Variants in C6orf52 observed in about 807,000 individuals in gnomAD.
The protein encoded by C6orf52 is putative uncharacterized protein C6orf52.
A neutral mutation model predicts 16.6 loss-of-function variants in C6orf52; 16 were observed. The observed-to-expected ratio is 0.96, with a 90% confidence interval of 0.65 to 1.46. The LOEUF (loss-of-function observed/expected upper bound fraction) is 1.46, where lower values mean the gene tolerates loss of function less well. Ranked by LOEUF, C6orf52 falls within the 40% of genes most tolerant of loss-of-function variation. The pLI, the probability that C6orf52 is intolerant of heterozygous loss-of-function variation, is 0.00. For missense variants in C6orf52, 166 were observed against 182.3 expected (o/e 0.91, Z 0.52); for synonymous variants, 53 against 61.4 (o/e 0.86, Z 0.64).
intron 4 of C6orf52, among the ~76,000 whole-genome samples, chr6:10,672,928 G>C (rs1767557391): frequency 6.6e-6 from 1 of 152,150 alleles, no homozygotes; most frequent in South Asian, 2.1e-4. Context: ...TATCATTTTA[G>C]AACCAAAATG....
chr6:10,694,684 A>G, upstream of C6orf52: 1 of 314,316 alleles, frequency 3.2e-6, no homozygotes, highest in Non-Finnish European at 6.0e-6. Context: ...CGCTCCCTTC[A>G]GACGGGCGTA....
chr6:10,678,083 C>T (rs1768047969), intron 4 of C6orf52, among the ~76,000 whole-genome samples: 1 of 150,012 alleles, frequency 6.7e-6, no homozygotes, highest in Admixed American at 6.7e-5. Flanking sequence ...ACTTGGGAGG[C>T]TGAGGCAGGA....
chr6:10,675,127 C>T (rs147321620), intron 4 of C6orf52, among the ~76,000 whole-genome samples: 68 of 152,200 alleles, frequency 4.5e-4, no homozygotes, highest in African/African-American at 1.6e-3. Context: ...ATCTCTTGAA[C>T]GGTATTCCTC....
chr6:10,683,982 T>C (rs1214828365), intron 3 of C6orf52, among the ~76,000 whole-genome samples: 2 of 152,216 alleles, frequency 1.3e-5, no homozygotes, highest in African/African-American at 4.8e-5. Context: ...AAGCTTCCCT[T>C]GCTAATAAGA....
intron 1 of C6orf52, among the ~76,000 whole-genome samples, chr6:10,687,771 G>C (rs552642444): frequency 1.3e-5 from 2 of 152,242 alleles, no homozygotes; most frequent in South Asian, 4.1e-4. Context: ...GAGGCACCTG[G>C]GGGAACTTCT....
At chr6:10,678,765 A>G (rs1001495034) in intron 4 of C6orf52, among the ~76,000 whole-genome samples, 15 of 152,186 alleles carry the variant, frequency 9.9e-5, no homozygotes, top group East Asian at 3.9e-4. Context: ...GCAACATAGT[A>G]AGACCTTGTC....
chr6:10,691,673 C>T (rs1769322886), intron 1 of C6orf52, among the ~76,000 whole-genome samples: 1 of 152,008 alleles, frequency 6.6e-6, no homozygotes, highest in Admixed American at 6.6e-5. Flanking sequence ...AATCCTAATG[C>T]TCTCCTCCAA....
chr6:10,676,094 C>T (rs570777971), intron 4 of C6orf52, among the ~76,000 whole-genome samples: 1 of 152,216 alleles, frequency 6.6e-6, no homozygotes, highest in East Asian at 1.9e-4. Flanking sequence ...CACGCCACTG[C>T]GTTCCAGCCT....
chr6:10,693,645 A>G (rs533935460), intron 1 of C6orf52, among the ~76,000 whole-genome samples: 3 of 152,376 alleles, frequency 2.0e-5, no homozygotes, highest in Admixed American at 2.0e-4. Flanking sequence ...TATGAGAACT[A>G]TACGAACCAA....
chr6:10,687,664 C>G, intron 1 of C6orf52, 103 bp from the exon 2 acceptor site: 1 of 717,150 alleles, frequency 1.4e-6, no homozygotes, highest in East Asian at 2.7e-5. Context: ...GCAACTACAT[C>G]TGAGATAATT....
intron 1 of C6orf52, among the ~76,000 whole-genome samples, chr6:10,688,715 A>T (rs1217923197): frequency 6.6e-6 from 1 of 152,228 alleles, no homozygotes; most frequent in Non-Finnish European, 1.5e-5. Flanking sequence ...ACCTAATACA[A>T]TGGCTATGTA....
intron 4 of C6orf52, chr6:10,672,491 G>A: frequency 1.5e-6 from 1 of 671,888 alleles, no homozygotes; most frequent in Non-Finnish European, 2.7e-6. Flanking sequence ...GTGCTGGTCT[G>A]ACAGAAGTAG....
At position 10,694,608 on chromosome 6, in the gene C6orf52, C is replaced by CT; in HGVS notation, c.-127_-126insA. ...GGCGCTACAGCCCCTAAGCAACCGGCCGGAAGTCGGCCCCACCTCCTCCTG... is the reference window on the plus strand; with the variant it reads ...GGCGCTACAGCCCCTAAGCAACCGGCTCGGAAGTCGGCCCCACCTCCTCCTG... On this transcript the variant is annotated 5_prime_UTR_variant, in exon 1 of 5. Coordinates refer to ENST00000259983, the MANE Select transcript of C6orf52 (RefSeq NM_001145020.3). The CT allele has an allele frequency of 2.5e-4, 44 of 178,052 alleles. No homozygotes were observed. Among genetic ancestry groups the CT allele is most frequent in the South Asian group, 1.8e-3 (17 of 9,264 alleles). The allele number at this position is 178,052 out of a possible 1,614,324, so 11.0% of individuals were successfully genotyped here.
intron 4 of C6orf52, among the ~76,000 whole-genome samples, chr6:10,682,813 C>T (rs1768516877): frequency 1.3e-5 from 2 of 152,168 alleles, no homozygotes; most frequent in Non-Finnish European, 2.9e-5. Flanking sequence ...GTCAGGTACC[C>T]CAGGATCCAA....
At position 10,686,963 on chromosome 6, in the gene C6orf52, T is replaced by C; in HGVS notation, c.270+3A>G. On this transcript the variant is annotated splice_donor_region_variant and intron_variant, in intron 3 of 4. Coordinates refer to ENST00000259983, the MANE Select transcript of C6orf52 (RefSeq NM_001145020.3). ...ACACAAGATTCATTCTAGCAAGGGATACCTTAGGCATAACCAGAGTTCCAG... is the reference window on the plus strand; with the variant it reads ...ACACAAGATTCATTCTAGCAAGGGACACCTTAGGCATAACCAGAGTTCCAG... 6.5e-7 allele frequency: 1 copy of C among 1,534,638 alleles called. No homozygotes were observed. Among genetic ancestry groups the C allele is most frequent in the Non-Finnish European group, 8.8e-7 (1 of 1,137,872 alleles).
intron 4 of C6orf52, among the ~76,000 whole-genome samples, chr6:10,682,579 AAC>A (rs1464016771): frequency 1.3e-5 from 2 of 151,280 alleles, no homozygotes; most frequent in African/African-American, 4.9e-5. Flanking sequence ...AGATTAGACA[AAC>A]ATGTGATAAG....
chr6:10,679,756 T>C (rs1327974412), intron 4 of C6orf52, among the ~76,000 whole-genome samples: 1 of 152,174 alleles, frequency 6.6e-6, no homozygotes, highest in African/African-American at 2.4e-5. Context: ...TTATGTTGAA[T>C]AGAAGTAGTG....
chr6:10,690,362 C>A (rs73439089), intron 1 of C6orf52, among the ~76,000 whole-genome samples: 12,006 of 152,162 alleles, frequency 0.079, 1,390 homozygotes, highest in African/African-American at 0.26. Context: ...GTTCAGGGCA[C>A]GTACAGCATT....
At chr6:10,687,191 A>G in intron 2 of C6orf52, 27 bp from the exon 3 acceptor site, 1 of 1,482,104 alleles carries the variant, frequency 6.7e-7, no homozygotes, top group Non-Finnish European at 9.2e-7. Flanking sequence ...CATCACAACC[A>G]ACGCAGAATC....
Sources: gnomAD v4.1 joint callset for allele counts (sites outside exome capture counted in the v4.1 genomes callset) on GRCh38, gnomAD v4.1.1 for gene constraint, MANE v1.5 for transcripts, NCBI Gene and HGNC (gene_info 2026-07-23, HGNC 2026-07-21) for gene names.